The following ARAP2 variants were observed in gnomAD, a reference collection of about 807,000 sequenced individuals.
ARAP2 encodes ArfGAP with RhoGAP domain, ankyrin repeat and PH domain 2.
Under a neutral mutation model 194.5 loss-of-function variants are expected in ARAP2, and 148 were observed. That is an observed-to-expected ratio of 0.76 (90% confidence interval 0.67 to 0.87). The LOEUF is 0.87. Ranked by LOEUF, ARAP2 falls within the 40% of genes least tolerant of loss-of-function variation. ARAP2 has a pLI of 0.00. For missense variants in ARAP2, 2,128 were observed against 1,989.7 expected, an observed-to-expected ratio of 1.07 and a Z score of -1.32; for synonymous variants, 695 against 683.5, an observed-to-expected ratio of 1.02 and a Z score of -0.26.
chr4:36,215,737 A>C (rs1333396714), intron 2 of ARAP2, among the ~76,000 whole-genome samples: 1 of 152,138 alleles, frequency 6.6e-6, no homozygotes, highest in Non-Finnish European at 1.5e-5. Flanking sequence ...TGGTCCCAGC[A>C]ACTCAGGGGG....
At position 36,121,263 on chromosome 4, in the gene ARAP2, G is replaced by T; in HGVS notation, c.3810C>A (p.Ser1270=). The T allele has an allele frequency of 1.2e-6, 2 of 1,605,728 alleles. No individual in the cohort carries two copies. The highest frequency in any genetic ancestry group is 1.7e-6 in the Non-Finnish European group (2 of 1,175,194). The change falls in exon 23 of 33, where the codon TCC becomes TCA. Residue 1270 remains serine (S), a synonymous_variant. Coordinates refer to ENST00000303965, the MANE Select transcript of ARAP2 (RefSeq NM_015230.4). The part of the protein sequence containing the change: ...NAHNLALVFS[S]CLFQTKGQTS... ...TTTGTCCCTTCGTTTGAAACAAACA[G>T]GATGAAAAGACCAAGGCCAAATTAT...
In ARAP2 at chr4:36,186,515, C is replaced by T. The variant is rs116166048; in HGVS notation, c.1678+936G>A. Among the ~76,000 whole-genome samples the T allele has an allele frequency of 8.1e-3, 1,228 of 152,318 alleles. 25 individuals carry two copies. Among genetic ancestry groups the T allele is most frequent in the African/African-American group, 0.028 (1,178 of 41,580 alleles). ...ACTGTGCCTGTGCGGTCAGCTAAAGCGGGGGTCCCCAAACCCAAGACCATG... is the reference window on the plus strand; with the variant it reads ...ACTGTGCCTGTGCGGTCAGCTAAAGTGGGGGTCCCCAAACCCAAGACCATG... On this transcript the variant is annotated intron_variant, in intron 8 of 32. Transcript: ENST00000303965.
intron 2 of ARAP2, among the ~76,000 whole-genome samples, chr4:36,222,332 C>T (rs1028378007): frequency 1.3e-5 from 2 of 152,062 alleles, no homozygotes; most frequent in Admixed American, 6.6e-5. Context: ...GTTGGTCCTC[C>T]TGGTAAACCT....
chr4:36,051,407 G>A (rs187395937), intron 3 of ARAP2, among the ~76,000 whole-genome samples: 1 of 152,234 alleles, frequency 6.6e-6, no homozygotes, highest in Non-Finnish European at 1.5e-5. Flanking sequence ...AACCCGGGAG[G>A]CAGAGGTTAC....
intron 2 of ARAP2, among the ~76,000 whole-genome samples, chr4:36,218,983 G>T (rs768142990): frequency 2.0e-5 from 3 of 152,126 alleles, no homozygotes; most frequent in Non-Finnish European, 4.4e-5. Context: ...AGTGCATAAG[G>T]TGTTCAATCT....
intron 5 of ARAP2, among the ~76,000 whole-genome samples, chr4:36,030,565 A>G (rs1718748218): frequency 6.6e-6 from 1 of 152,024 alleles, no homozygotes; most frequent in African/African-American, 2.4e-5. Flanking sequence ...TTCCTAACTC[A>G]TTAAAAATCG....
intron 29 of ARAP2, 90 bp downstream of exon 29, chr4:36,083,267 CTTTATAAAAAG>C: frequency 1.1e-6 from 1 of 872,606 alleles, no homozygotes; most frequent in South Asian, 1.6e-5. Flanking sequence ...CTAAAACTTA[CTTTATAAAAAG>C]TTAGACTAAT....
chr4:36,145,317 G>A (rs140325941), intron 19 of ARAP2, among the ~76,000 whole-genome samples: 112 of 151,992 alleles, frequency 7.4e-4, no homozygotes, highest in African/African-American at 2.5e-3. Flanking sequence ...GGAAAATGTC[G>A]TCATATATAC....
At chr4:36,212,571 A>G in intron 4 of ARAP2, 84 bp from the exon 5 acceptor site, 4 of 819,128 alleles carry the variant, frequency 4.9e-6, no homozygotes, top group Non-Finnish European at 7.8e-6. Context: ...GCAATATTCT[A>G]CAAAAATCCA....
chr4:36,102,898 T>C (rs1257975255), intron 27 of ARAP2, among the ~76,000 whole-genome samples: 3 of 151,888 alleles, frequency 2.0e-5, no homozygotes, highest in Middle Eastern at 3.4e-3. Flanking sequence ...TGGTACTCCA[T>C]AGTAAATATC....
At chr4:36,205,986 G>A (rs1015702229) in intron 6 of ARAP2, among the ~76,000 whole-genome samples, 3 of 152,148 alleles carry the variant, frequency 2.0e-5, no homozygotes, top group Non-Finnish European at 2.9e-5. Context: ...CAAGGATTTC[G>A]GATTCACTTT....
intron 4 of ARAP2, among the ~76,000 whole-genome samples, chr4:36,046,490 A>G (rs1193889330): frequency 1.3e-5 from 2 of 152,096 alleles, no homozygotes; most frequent in African/African-American, 2.4e-5. Flanking sequence ...CACCTGGCCT[A>G]TAGGTGCAGT....
chr4:36,017,403 A>AT (rs1716019539), intron 6 of ARAP2, among the ~76,000 whole-genome samples: 1 of 151,410 alleles, frequency 6.6e-6, no homozygotes, highest in African/African-American at 2.4e-5. Context: ...CAATTAAACC[A>AT]TTCTGTATGT....
At chr4:36,140,087 G>T (rs944536389) in intron 19 of ARAP2, among the ~76,000 whole-genome samples, 7 of 148,588 alleles carry the variant, frequency 4.7e-5, no homozygotes, top group Non-Finnish European at 1.0e-4. Context: ...TCCTTCATTG[G>T]ATTGTAGATC....
intron 2 of ARAP2, among the ~76,000 whole-genome samples, chr4:36,218,163 C>A (rs1578317117): frequency 6.6e-6 from 1 of 152,054 alleles, no homozygotes; most frequent in East Asian, 1.9e-4. Flanking sequence ...CTTAAAGAGA[C>A]CCAGTTACAT....
chr4:36,019,671 G>T (rs76353822), intron 5 of ARAP2, among the ~76,000 whole-genome samples: 11,311 of 151,914 alleles, frequency 0.074, 616 homozygotes, highest in Middle Eastern at 0.14. Flanking sequence ...ACAGTCAAAG[G>T]TAGATCAAAG....
intron 24 of ARAP2, 80 bp from the exon 25 acceptor site, chr4:36,117,215 GC>G: frequency 1.1e-6 from 1 of 947,708 alleles, no homozygotes; most frequent in Non-Finnish European, 1.5e-6. Context: ...CAGCTATAAA[GC>G]CCCAGTCATA....
At chr4:36,027,207 T>C (rs1054100855) in intron 5 of ARAP2, among the ~76,000 whole-genome samples, 2 of 152,134 alleles carry the variant, frequency 1.3e-5, no homozygotes, top group Non-Finnish European at 2.9e-5. Context: ...AAAATAACTC[T>C]ATGAGGTAGG....
intron 7 of ARAP2, among the ~76,000 whole-genome samples, chr4:36,190,743 G>C (rs1286726269): frequency 1.3e-5 from 2 of 152,188 alleles, no homozygotes; most frequent in African/African-American, 2.4e-5. Flanking sequence ...ACAGAATGTT[G>C]ATGGATGGCA....
Sources: allele counts gnomAD v4.1 joint callset (sites outside exome capture counted in the v4.1 genomes callset), GRCh38; gene constraint gnomAD v4.1.1; transcripts MANE v1.5; gene names NCBI Gene and HGNC (gene_info 2026-07-23, HGNC 2026-07-21).